Variants in EIF3A observed in about 807,000 individuals in gnomAD.
The protein encoded by EIF3A is eukaryotic translation initiation factor 3 subunit A.
EIF3A carries 21 observed loss-of-function variants against 186.6 expected under a neutral mutation model. The ratio of observed to expected loss-of-function variants is 0.11; its 90% confidence interval spans 0.08 to 0.16. The LOEUF (loss-of-function observed/expected upper bound fraction) is 0.16, where lower values mean the gene tolerates loss of function less well. Among genes scored for constraint, EIF3A ranks in the 10% least tolerant of loss-of-function variants. The probability of loss-of-function intolerance (pLI) is 1.00; values close to 1 mark genes in which losing one functional copy is unlikely to be tolerated. For synonymous variants in EIF3A, 563 were observed against 584.3 expected, an observed-to-expected ratio of 0.96 and a Z score of 0.52; for missense variants, 1,306 against 1,796.3, an observed-to-expected ratio of 0.73 and a Z score of 4.93.
chr10:119,041,182 A>AG (rs911080551), intron 19 of EIF3A, among the ~76,000 whole-genome samples: 1 of 152,042 alleles, frequency 6.6e-6, no homozygotes, highest in African/African-American at 2.4e-5. Flanking sequence ...CACCTCAAAA[A>AG]GAAAAAAAAT....
In EIF3A at chr10:119,037,175, T is replaced by G. The variant is rs771994561; in HGVS notation, c.3863A>C (p.Asp1288Ala). ...DDRRDLRERR[D>A]LRDDRDRRGP... ...TCTTCGGTCCCTGTCGTCTCTTAGATCTCGTCTTTCTCTTAGATCACGCCG... is the reference window on the plus strand; with the variant it reads ...TCTTCGGTCCCTGTCGTCTCTTAGAGCTCGTCTTTCTCTTAGATCACGCCG... The change falls in exon 21 of 22, where the codon GAT becomes GCT. Residue 1288 changes from aspartate (D) to alanine (A), a missense_variant. This residue lies in a region of EIF3A where 331 missense variants were observed against 365.8 expected (regional missense o/e 0.90). Coordinates refer to ENST00000369144, the MANE Select transcript of EIF3A (RefSeq NM_003750.4). The G allele has an allele frequency of 3.1e-6, 5 of 1,613,174 alleles. No homozygotes were observed. The highest frequency in any genetic ancestry group is 2.7e-5 in the African/African-American group (2 of 74,700).
intron 8 of EIF3A, 91 bp from the exon 9 acceptor site, chr10:119,060,935 A>G (rs1329916220): frequency 1.2e-6 from 1 of 857,458 alleles, no homozygotes; most frequent in Non-Finnish European, 1.8e-6. Context: ...ATATACAAAA[A>G]CATCATCCAA....
intron 5 of EIF3A, among the ~76,000 whole-genome samples, chr10:119,070,519 T>C (rs770974504): frequency 1.3e-5 from 2 of 151,900 alleles, no homozygotes; most frequent in Middle Eastern, 3.4e-3. Flanking sequence ...TACAATAAAA[T>C]TGCTACTAAG....
Position 119,062,743 on chromosome 10 carries a change from C to CTTTTTT in EIF3A, c.1123-1421_1123-1416dup, listed in dbSNP as rs372690463. On this transcript the variant is annotated intron_variant, in intron 7 of 21. Coordinates refer to ENST00000369144, the MANE Select transcript of EIF3A (RefSeq NM_003750.4). ...ATTAAATCTAAGTCTAAGAGATCAC[C>CTTTTTT]TTTTTTTTTTTTTTTTTTTTTTGAG... Among the ~76,000 whole-genome samples, 66 of 91,042 alleles carry CTTTTTT rather than the reference C, an allele frequency of 7.2e-4. 3 individuals carry two copies. Among genetic ancestry groups the CTTTTTT allele is most frequent in the African/African-American group, 1.7e-3 (40 of 23,664 alleles). The allele number at this position is 91,042 out of a possible 152,430, so 59.7% of individuals were successfully genotyped here.
At chr10:119,063,883 G>A (rs1183374348) in intron 7 of EIF3A, among the ~76,000 whole-genome samples, 2 of 152,192 alleles carry the variant, frequency 1.3e-5, no homozygotes, top group African/African-American at 2.4e-5. Flanking sequence ...AGGAGTTCAC[G>A]ACCAGCCTAG....
At position 119,037,063 on chromosome 10, in the gene EIF3A, C is replaced by CG. The variant is rs201154136; in HGVS notation, c.3919+55_3919+56insC. The CG allele has an allele frequency of 4.1e-5, 26 of 628,136 alleles. 1 individual carries two copies. The highest frequency in any genetic ancestry group is 1.7e-4 in the South Asian group (7 of 42,290). 38.9% of individuals were successfully genotyped at this position (628,136 alleles called of 1,614,324 possible). A position where few individuals can be genotyped will look rare whatever the true frequency, so the allele number is the denominator to read the frequency against. On this transcript the variant is annotated intron_variant, in intron 21 of 21. Transcript: ENST00000369144. Reference sequence around the variant, plus strand: ...TGATATAATTAAATAACCCAAATCCCCCCCCCCCCAGAAACGACAGTTCTC... The same window carrying CG: ...TGATATAATTAAATAACCCAAATCCCGCCCCCCCCCAGAAACGACAGTTCTC...
intron 4 of EIF3A, 83 bp from the exon 5 acceptor site, chr10:119,071,168 A>AT (rs1844064199): frequency 1.0e-6 from 1 of 998,810 alleles, no homozygotes; most frequent in Non-Finnish European, 1.5e-6. Flanking sequence ...ACACATTAAG[A>AT]TCAGTTGTTT....
At position 119,044,240 on chromosome 10, in the gene EIF3A, T is replaced by C. The variant is rs550925504; in HGVS notation, c.2659-98A>G. On this transcript the variant is annotated intron_variant, in intron 17 of 21. Transcript: ENST00000369144. ...CAAATATTTTTTGTACTTATAACAA[T>C]ATGAAGCCCTTAAATAAGCAAGTTT... is the stretch of plus-strand genomic sequence containing the variant. 245 of 789,650 alleles carry C rather than the reference T, an allele frequency of 3.1e-4. 1 individual carries two copies. The highest frequency in any genetic ancestry group is 4.7e-4 in the Middle Eastern group (2 of 4,228). The allele number at this position is 789,650 out of a possible 1,614,324, so 48.9% of individuals were successfully genotyped here. A position where few individuals can be genotyped will look rare whatever the true frequency, so the allele number is the denominator to read the frequency against.
chr10:119,080,345 G>C (rs371336081), intron 1 of EIF3A: 3 of 985,458 alleles, frequency 3.0e-6, no homozygotes, highest in South Asian at 4.7e-5. Flanking sequence ...GTCCGGGTAG[G>C]GGCTGTCTCC....
intron 7 of EIF3A, 77 bp from the exon 8 acceptor site, chr10:119,061,405 A>C (rs1035006499): frequency 1.6e-6 from 1 of 614,872 alleles, no homozygotes; most frequent in African/African-American, 1.9e-5. Context: ...TATAAATGAT[A>C]GCATTGGAAA....
chr10:119,080,502 G>A, intron 1 of EIF3A, 126 bp downstream of exon 1: 2 of 1,403,032 alleles, frequency 1.4e-6, no homozygotes, highest in Non-Finnish European at 1.8e-6. Flanking sequence ...GACAGCGGCG[G>A]GCAGGCCGCA....
intron 9 of EIF3A, 23 bp from the exon 10 acceptor site, chr10:119,059,741 A>G (rs952389418): frequency 2.7e-6 from 4 of 1,465,540 alleles, no homozygotes; most frequent in South Asian, 1.1e-5. Context: ...CAAAGGGTTA[A>G]TAACACTAGC....
intron 1 of EIF3A, 136 bp downstream of exon 1, chr10:119,080,492 G>C (rs929484543): frequency 9.3e-6 from 13 of 1,398,068 alleles, no homozygotes; most frequent in African/African-American, 1.5e-5. Context: ...CACCGGCTGG[G>C]ACAGCGGCGG....
At chr10:119,049,379 T>C (rs1181179043) in intron 17 of EIF3A, among the ~76,000 whole-genome samples, 1 of 151,094 alleles carries the variant, frequency 6.6e-6, no homozygotes, top group Non-Finnish European at 1.5e-5. Flanking sequence ...TTCCAACTAC[T>C]TGGAAGACTG....
In EIF3A at chr10:119,042,427, T is replaced by C; in HGVS notation, c.3093A>G (p.Thr1031=). The C allele has an allele frequency of 6.2e-7, 1 of 1,614,170 alleles. No individual in the cohort carries two copies. The highest frequency in any genetic ancestry group is 8.5e-7 in the Non-Finnish European group (1 of 1,180,014). ...GLDEDRGSWR[T]ADEDRGPRRG... is the part of the protein sequence containing the mutation. ...GTCTTGGTCCTCTGTCCTCATCAGC[T>C]GTTCGCCAGCTTCCTCTGTCCTCAT... The change falls in exon 19 of 22, where the codon ACA becomes ACG. Residue 1031 remains threonine (T), a synonymous_variant. Transcript: ENST00000369144. This position sits in a 1 kb window ranked among gnomAD's most constrained non-coding sequence, Gnocchi z 7.8.
intron 1 of EIF3A, among the ~76,000 whole-genome samples, chr10:119,077,131 G>A (rs72832408): frequency 1.8e-4 from 28 of 152,184 alleles, no homozygotes; most frequent in Non-Finnish European, 3.4e-4. Flanking sequence ...CTTAAAGATG[G>A]AACTGAAACC....
rs1301700261 is a variant in EIF3A at position 119,049,838 on chromosome 10, T to G, written c.2621A>C (p.Glu874Ala). The G allele has an allele frequency of 3.7e-6, 6 of 1,614,168 alleles. No homozygotes were observed. Among genetic ancestry groups the G allele is most frequent in the Non-Finnish European group, 5.1e-6 (6 of 1,180,016 alleles). ...GGAACTATCGCCAAGTCTTCTCTCT[T>G]CCTCTCTACGCCGTTCTCGTTCTTC... ...EIEERERRRE[E>A]ERRLGDSSLS... The change falls in exon 17 of 22, where the codon GAA becomes GCA. Residue 874 changes from glutamate (E) to alanine (A), a missense_variant. This residue lies in a region of EIF3A where 410 missense variants were observed against 473.5 expected (regional missense o/e 0.87). Transcript: ENST00000369144.
intron 1 of EIF3A, among the ~76,000 whole-genome samples, chr10:119,075,872 C>A (rs4259754): frequency 1.5e-5 from 2 of 134,858 alleles, no homozygotes; most frequent in Non-Finnish European, 3.1e-5. Flanking sequence ...GCCACCACGC[C>A]TGGCTAATTT....
intron 1 of EIF3A, among the ~76,000 whole-genome samples, chr10:119,079,156 C>T (rs1036198994): frequency 6.6e-6 from 1 of 152,128 alleles, no homozygotes; most frequent in South Asian, 2.1e-4. Flanking sequence ...AATAAACATC[C>T]TAAAACTGCT....
Sources: allele counts gnomAD v4.1 joint callset (sites outside exome capture counted in the v4.1 genomes callset), GRCh38; gene constraint gnomAD v4.1.1; regional missense constraint gnomAD v4.1.1; non-coding constraint Gnocchi (gnomAD v3.1); transcripts MANE v1.5; gene names NCBI Gene and HGNC (gene_info 2026-07-23, HGNC 2026-07-21).